ZCCHC8: variants seen among roughly 807,000 people sequenced by gnomAD.
ZCCHC8 encodes zinc finger CCHC domain-containing protein 8.
A neutral mutation model predicts 70.6 loss-of-function variants in ZCCHC8; 27 were observed. The ratio of observed to expected loss-of-function variants is 0.38; its 90% CI spans 0.28 to 0.53. The LOEUF is 0.53. ZCCHC8 is among the 20% of genes least tolerant of loss of function. The pLI is 0.81. For synonymous variants in ZCCHC8, 293 were observed against 317.4 expected, an observed-to-expected ratio of 0.92 and a Z score of 0.82; for missense variants, 737 against 876.9, an observed-to-expected ratio of 0.84 and a Z score of 2.01.
chr12:122,478,547 CAGA>C (rs1957467040), intron 11 of ZCCHC8: 1 of 378,090 alleles, frequency 2.6e-6, no homozygotes, highest in Non-Finnish European at 4.9e-6. Context: ...ATACTGCAAG[CAGA>C]AGATGTAGGC....
In ZCCHC8 at chr12:122,471,651, A is replaced by G. The variant is rs537059187; in HGVS notation, c.*1846T>C. 6.6e-6 allele frequency: 1 copy of G among 152,348 alleles called. No individual in the cohort carries two copies. Among genetic ancestry groups the G allele is most frequent in the African/African-American group, 2.4e-5 (1 of 41,576 alleles). The allele number at this position is 152,348 out of a possible 1,614,324, so 9.4% of individuals were successfully genotyped here. ...AACTTAAGCTGAGGAAAAGAAGCCA[A>G]AAGTATTTTAAATTTTATTCTATTT... On this transcript the variant is annotated 3_prime_UTR_variant, in exon 14 of 14. Transcript: ENST00000633063.
intron 13 of ZCCHC8, among the ~76,000 whole-genome samples, chr12:122,475,836 C>T (rs980714238): frequency 6.6e-6 from 1 of 152,226 alleles, no homozygotes; most frequent in African/African-American, 2.4e-5. Context: ...GATATAGTTT[C>T]CTTACTTCCA....
At chr12:122,487,813 C>G (rs749151450) in intron 5 of ZCCHC8, among the ~76,000 whole-genome samples, 1 of 152,042 alleles carries the variant, frequency 6.6e-6, no homozygotes, top group African/African-American at 2.4e-5. Flanking sequence ...TCCCAGTAGG[C>G]CCATATCTCT....
At chr12:122,488,965 C>G (rs1957694010) in intron 5 of ZCCHC8, among the ~76,000 whole-genome samples, 1 of 152,088 alleles carries the variant, frequency 6.6e-6, no homozygotes, top group Admixed American at 6.6e-5. Flanking sequence ...AGGCTGTAGC[C>G]TAAATGTAGG....
At position 122,500,693 on chromosome 12, in the gene ZCCHC8, G is replaced by A. The variant is rs1260245150; in HGVS notation, c.148C>T (p.Arg50Trp). ...TCCTCGCACTGCCGAAGCCGCTCCC[G>A]TAGCTCCGCGTCGCCGACCCCATTT... ...DENGVGDAELRERLRQCEETI... is the reference protein window; with the variant it reads ...DENGVGDAELWERLRQCEETI... The change falls in exon 1 of 14, where the codon CGG becomes TGG. Residue 50 changes from arginine (R) to tryptophan (W), a missense_variant. By Grantham distance (101) the Arg-to-Trp change is moderately radical. Transcript: ENST00000633063. This position sits in a 1 kb window ranked among gnomAD's most constrained non-coding sequence, Gnocchi z 4.8. 2 of 1,581,556 alleles carry A rather than the reference G, an allele frequency of 1.3e-6. No homozygotes were observed. The highest frequency in any genetic ancestry group is 1.7e-6 in the Non-Finnish European group (2 of 1,164,450).
At chr12:122,475,192 G>T (rs562178541) in intron 13 of ZCCHC8, among the ~76,000 whole-genome samples, 237 of 151,864 alleles carry the variant, frequency 1.6e-3, no homozygotes, top group African/African-American at 5.0e-3. Context: ...GGATTACAGC[G>T]CACGCCAACA....
chr12:122,474,734 CT>C (rs1235367292), intron 13 of ZCCHC8, among the ~76,000 whole-genome samples: 2,857 of 124,714 alleles, frequency 0.023, 25 homozygotes, highest in Middle Eastern at 0.032. Context: ...TTTCCTAGCT[CT>C]TTTTTTTTTT....
intron 1 of ZCCHC8, chr12:122,499,973 T>G (rs1301647005): frequency 6.6e-6 from 1 of 152,162 alleles, no homozygotes; most frequent in Admixed American, 6.5e-5. Context: ...AAAAACATAC[T>G]AGCAAATCAA....
At chr12:122,484,752 A>G (rs950508321) in intron 5 of ZCCHC8, among the ~76,000 whole-genome samples, 14 of 151,946 alleles carry the variant, frequency 9.2e-5, no homozygotes, top group African/African-American at 2.9e-4. Context: ...GCTTCTATAC[A>G]TATCACTGGG....
At position 122,472,209 on chromosome 12, in the gene ZCCHC8, T is replaced by A. The variant is rs1957329287; in HGVS notation, c.*1288A>T. On this transcript the variant is annotated 3_prime_UTR_variant, in exon 14 of 14. Transcript: ENST00000633063. ...CCACTGATTTTTACAATTTACCTTT[T>A]TTTTTTTTTTTTTTTGAGATGGAGT... 1 of 150,072 alleles carries A rather than the reference T, an allele frequency of 6.7e-6. No homozygotes were observed. The highest frequency in any genetic ancestry group is 1.5e-5 in the Non-Finnish European group (1 of 67,358). The allele number at this position is 150,072 out of a possible 1,614,324, so 9.3% of individuals were successfully genotyped here. A position where few individuals can be genotyped will look rare whatever the true frequency, so the allele number is the denominator to read the frequency against.
intron 10 of ZCCHC8, 153 bp from the exon 11 acceptor site, chr12:122,480,464 A>G (rs1957509268): frequency 1.7e-6 from 1 of 589,518 alleles, no homozygotes; most frequent in East Asian, 3.6e-5. Context: ...CTAAATCATT[A>G]GGACAGAACT....
chr12:122,478,109 G>A, intron 12 of ZCCHC8, 97 bp downstream of exon 12: 2 of 1,289,930 alleles, frequency 1.6e-6, no homozygotes, highest in Non-Finnish European at 2.2e-6. Flanking sequence ...GGTTTGTCAA[G>A]ATAACAAAGC....
Position 122,477,829 on chromosome 12 carries a change from G to C in ZCCHC8, c.1345+12C>G. ...AAAAAGAGAGAAATCAGAGCCATAG[G>C]ATGAAACCTACCTGAATCGAGCTCC... On this transcript the variant is annotated intron_variant, in intron 13 of 13. Coordinates refer to ENST00000633063, the MANE Select transcript of ZCCHC8 (RefSeq NM_017612.5). 1 of 1,567,584 alleles carries C rather than the reference G, an allele frequency of 6.4e-7. No individual in the cohort carries two copies. The highest frequency in any genetic ancestry group is 8.8e-7 in the Non-Finnish European group (1 of 1,138,900).
chr12:122,485,711 C>A (rs931780117), intron 5 of ZCCHC8, among the ~76,000 whole-genome samples: 21 of 151,632 alleles, frequency 1.4e-4, no homozygotes, highest in African/African-American at 5.1e-4. Flanking sequence ...CGCTCTGTCG[C>A]CCAGGCTGGA....
rs1957362040 is a variant in ZCCHC8 at position 122,473,856 on chromosome 12, T to C, written c.1765A>G (p.Lys589Glu). Residue 589 changes from lysine to glutamate, a missense_variant, in exon 14 of 14, where the codon AAG (lysine) becomes GAG (glutamate). By Grantham distance (56) the Lys-to-Glu change is moderately conservative (BLOSUM62 1). Transcript: ENST00000633063. The stretch of plus-strand genomic sequence containing the variant: ...GAGGCATGTCCAGCTTCTGATTTCT[T>C]TGTAAAAATCTCTGGTACCTCAGGC... ...DEPEVPEIFT[K>E]KSEAGHASSP... 1.2e-6 allele frequency: 2 copies of C among 1,613,842 alleles called. No homozygotes were observed. Among genetic ancestry groups the C allele is most frequent in the Non-Finnish European group, 1.7e-6 (2 of 1,179,876 alleles).
chr12:122,498,227 C>T (rs1210222807), intron 2 of ZCCHC8, among the ~76,000 whole-genome samples: 3 of 151,168 alleles, frequency 2.0e-5, no homozygotes, highest in Non-Finnish European at 4.4e-5. Context: ...CTCTACCTCC[C>T]GGGTTCAAGG....
chr12:122,474,335 A>AT (rs1957375003), intron 13 of ZCCHC8, 60 bp from the exon 14 acceptor site: 53 of 1,321,854 alleles, frequency 4.0e-5, no homozygotes, highest in Non-Finnish European at 5.2e-5. Flanking sequence ...TTTTACTAAA[A>AT]TTTGTTATTT....
chr12:122,477,739 G>A (rs112206622), intron 13 of ZCCHC8, 102 bp downstream of exon 13: 172,021 of 886,400 alleles, frequency 0.19, 18,919 homozygotes, highest in East Asian at 0.48. Context: ...GCGGTGAGCC[G>A]AGATCACGCC....
chr12:122,480,301 A>T lies in ZCCHC8; in HGVS notation c.1029T>A (p.Asp343Glu). 1 of 1,610,440 alleles carries T rather than the reference A, an allele frequency of 6.2e-7. No homozygotes were observed. The highest frequency in any genetic ancestry group is 2.2e-5 in the East Asian group (1 of 44,822). ...LALYDGKDGT[D>E]GETEVGEIQQ... Reference sequence around the variant, plus strand: ...GTATTTCTCCAACTTCTGTTTCCCCATCAGTGCCATCTATTACAGACCATA... The same window carrying T: ...GTATTTCTCCAACTTCTGTTTCCCCTTCAGTGCCATCTATTACAGACCATA... Residue 343 changes from aspartate to glutamate, a missense_variant, in exon 11 of 14, where the codon GAT becomes GAA. Coordinates refer to ENST00000633063, the MANE Select transcript of ZCCHC8 (RefSeq NM_017612.5).
Sources: allele counts gnomAD v4.1 joint callset (sites outside exome capture counted in the v4.1 genomes callset), GRCh38; gene constraint gnomAD v4.1.1; non-coding constraint Gnocchi (gnomAD v3.1); transcripts MANE v1.5; gene names NCBI Gene and HGNC (gene_info 2026-07-23, HGNC 2026-07-21).